The following SCN2A variants were observed in gnomAD, a reference collection of about 807,000 sequenced individuals.
SCN2A encodes the protein sodium voltage-gated channel alpha subunit 2, also known as sodium channel protein type 2 subunit alpha.
A neutral mutation model predicts 188.7 loss-of-function variants in SCN2A; 20 were observed. The ratio of observed to expected loss-of-function variants is 0.11; its 90% CI spans 0.07 to 0.15. The LOEUF (loss-of-function observed/expected upper bound fraction) is 0.15, where lower values mean the gene tolerates loss of function less well. Among genes scored for constraint, SCN2A ranks in the 10% least tolerant of loss-of-function variants. The pLI is 1.00. For missense variants in SCN2A, 1,278 were observed against 2,445.0 expected (o/e 0.52, Z 10.07); for synonymous variants, 804 against 833.1 (o/e 0.97, Z 0.60).
At chr2:165,311,454 G>A (rs1697423734) in intron 7 of SCN2A, among the ~76,000 whole-genome samples, 1 of 151,920 alleles carries the variant, frequency 6.6e-6, no homozygotes, top group Non-Finnish European at 1.5e-5. Context: ...AAAGAAACAA[G>A]TTTATTTTCT....
At chr2:165,291,503 CTTT>C (rs1696172391) in intron 1 of SCN2A, among the ~76,000 whole-genome samples, 2 of 106,668 alleles carry the variant, frequency 1.9e-5, no homozygotes, top group African/African-American at 3.4e-5. Flanking sequence ...TTCTTTCTTT[CTTT>C]CTTTCTTCCT....
intron 3 of SCN2A, among the ~76,000 whole-genome samples, chr2:165,306,828 G>A (rs917430349): frequency 6.6e-6 from 1 of 152,030 alleles, no homozygotes; most frequent in Admixed American, 6.6e-5. Flanking sequence ...TTAGGAGTGA[G>A]AAAAGATATG....
rs911217635 is a variant in SCN2A at position 165,289,780 on chromosome 2, G to A, written c.-51-5993G>A. On this transcript the variant is annotated intron_variant, in intron 1 of 26. Coordinates refer to ENST00000375437, the MANE Select transcript of SCN2A (RefSeq NM_001040142.2). ...GTTCATTCGATGTTTTATATGTTTT[G>A]GTAAAACATTTTGTGTTCACCCTTT... 8.5e-5 allele frequency among the ~76,000 whole-genome samples: 13 copies of A among 152,056 alleles called. No homozygotes were observed. The South Asian group carries it at 1.2e-3, about 15-fold the overall frequency.
chr2:165,313,805 G>A (rs746325089), intron 9 of SCN2A, 44 bp downstream of exon 9: 15 of 1,612,624 alleles, frequency 9.3e-6, no homozygotes, highest in East Asian at 4.5e-5. Flanking sequence ...ATAAAACACC[G>A]AACTCAAGAG....
At chr2:165,386,602 A>ATTT (rs78399411) in intron 25 of SCN2A, 144 bp from the exon 26 acceptor site, 5 of 686,088 alleles carry the variant, frequency 7.3e-6, no homozygotes, top group South Asian at 2.5e-5. Context: ...TTTGCAAGGA[A>ATTT]TTTTTTTTTT....
At chr2:165,308,038 T>G in intron 4 of SCN2A, 101 bp downstream of exon 4, 59 of 808,884 alleles carry the variant, frequency 7.3e-5, no homozygotes, top group Non-Finnish European at 1.1e-4. Context: ...TCATGCTAGC[T>G]ACTGTTAACC....
chr2:165,387,131 A>T, intron 26 of SCN2A, 115 bp downstream of exon 26: 1 of 1,068,786 alleles, frequency 9.4e-7, no homozygotes, highest in Non-Finnish European at 1.4e-6. Flanking sequence ...CCCAAATAAA[A>T]ATCTAATAGT....
At position 165,312,034 on chromosome 2, in the gene SCN2A, A is replaced by T; in HGVS notation, c.980A>T (p.Tyr327Phe). The change falls in exon 8 of 27, where the codon TAT becomes TTT. Residue 327 changes from tyrosine (Y) to phenylalanine (F), a missense_variant. Transcript: ENST00000375437. Reference sequence around the variant, plus strand: ...CTTTCTCTTTAAATAGGTCACTTTTATTTTTTAGAGGGGCAAAATGATGCT... The same window carrying T: ...CTTTCTCTTTAAATAGGTCACTTTTTTTTTTTAGAGGGGCAAAATGATGCT... Reference protein sequence around the residue: ...DEYIEDKSHFYFLEGQNDALL... With the variant: ...DEYIEDKSHFFFLEGQNDALL... The T allele has an allele frequency of 1.2e-6, 2 of 1,611,252 alleles. No individual in the cohort carries two copies. The highest frequency in any genetic ancestry group is 1.7e-6 in the Non-Finnish European group (2 of 1,178,232).
intron 1 of SCN2A, among the ~76,000 whole-genome samples, chr2:165,249,738 T>A (rs1002770009): frequency 3.3e-5 from 5 of 152,066 alleles, no homozygotes; most frequent in African/African-American, 1.2e-4. Flanking sequence ...TTGTTCTAAA[T>A]CTCAGCTTAA....
chr2:165,302,588 A>G (rs953993447), intron 3 of SCN2A, among the ~76,000 whole-genome samples: 4 of 152,202 alleles, frequency 2.6e-5, no homozygotes, highest in African/African-American at 9.6e-5. Context: ...GTAAGAAACC[A>G]ATAATTATTA....
chr2:165,287,265 T>C (rs1450758551), intron 1 of SCN2A, among the ~76,000 whole-genome samples: 1 of 152,162 alleles, frequency 6.6e-6, no homozygotes, highest in Non-Finnish European at 1.5e-5. Context: ...CTTCCCTTTA[T>C]TTTCTTTTGG....
chr2:165,295,064 C>T (rs1282042238), intron 1 of SCN2A, among the ~76,000 whole-genome samples: 3 of 152,208 alleles, frequency 2.0e-5, no homozygotes, highest in African/African-American at 2.4e-5. Flanking sequence ...CCAGGGGGTC[C>T]GAGCTACAGA....
intron 14 of SCN2A, among the ~76,000 whole-genome samples, chr2:165,334,823 A>G (rs1698897728): frequency 6.6e-6 from 1 of 151,724 alleles, no homozygotes; most frequent in South Asian, 2.1e-4. Flanking sequence ...CAAGAAGTAA[A>G]TTCTATTAAC....
At chr2:165,380,810 A>G (rs1701562013) in intron 24 of SCN2A, 81 bp downstream of exon 24, 1 of 1,115,192 alleles carries the variant, frequency 9.0e-7, no homozygotes, top group African/African-American at 1.6e-5. Context: ...CCAAAATGCA[A>G]TCACCAAAAA....
At chr2:165,349,597 AT>A (rs1699781236) in intron 16 of SCN2A, among the ~76,000 whole-genome samples, 1 of 152,242 alleles carries the variant, frequency 6.6e-6, no homozygotes, top group African/African-American at 2.4e-5. Flanking sequence ...ATTGTGATGT[AT>A]GCATAAAAAG....
At chr2:165,342,566 T>C in intron 15 of SCN2A, 97 bp downstream of exon 15, 1 of 1,304,064 alleles carries the variant, frequency 7.7e-7, no homozygotes, top group South Asian at 1.2e-5. Flanking sequence ...CATTATAATA[T>C]TATTTGAATA....
chr2:165,300,227 T>C (rs1696730168), intron 3 of SCN2A, among the ~76,000 whole-genome samples: 1 of 152,240 alleles, frequency 6.6e-6, no homozygotes, highest in Non-Finnish European at 1.5e-5. Context: ...CACACTCCTC[T>C]AATTTATTTT....
intron 16 of SCN2A, among the ~76,000 whole-genome samples, chr2:165,349,969 A>G (rs942470177): frequency 1.4e-4 from 22 of 152,230 alleles, no homozygotes; most frequent in Non-Finnish European, 2.9e-4. Flanking sequence ...GCTCCACCCA[A>G]ATAGATGTAG....
At chr2:165,289,045 T>C (rs937129575) in intron 1 of SCN2A, among the ~76,000 whole-genome samples, 20 of 152,194 alleles carry the variant, frequency 1.3e-4, no homozygotes, top group Admixed American at 1.0e-3. Context: ...CACAAAATTT[T>C]CTAAGTCTTT....
Sources: allele counts gnomAD v4.1 joint callset (sites outside exome capture counted in the v4.1 genomes callset), GRCh38; gene constraint gnomAD v4.1.1; transcripts MANE v1.5; gene names NCBI Gene and HGNC (gene_info 2026-07-23, HGNC 2026-07-21).